Variants in SPOUT1 observed in about 807,000 individuals in gnomAD.
The protein encoded by SPOUT1 is 28S rRNA (uridine-N(3))-methyltransferase.
Under a neutral mutation model 54.8 loss-of-function variants are expected in SPOUT1, and 40 were observed. The observed-to-expected ratio is 0.73, with a 90% CI of 0.57 to 0.95. The LOEUF (loss-of-function observed/expected upper bound fraction) is 0.95. SPOUT1 is among the 40% of genes least tolerant of loss of function. The pLI is 0.00. For synonymous variants in SPOUT1, 193 were observed against 200.3 expected, an observed-to-expected ratio of 0.96 and a Z score of 0.31; for missense variants, 437 against 499.5, an observed-to-expected ratio of 0.87 and a Z score of 1.19.
Position 128,821,232 on chromosome 9 carries a change from T to C in SPOUT1, c.*1533A>G. The stretch of plus-strand genomic sequence containing the variant: ...TGCAGTGCACCAAGCTCTCCCGCCT[T>C]CCCCCTGCAGGTCTGCGGTGCACCA... On this transcript the variant is annotated 3_prime_UTR_variant, in exon 12 of 12. Transcript: ENST00000361256. The C allele has an allele frequency of 2.0e-5, 5 of 244,268 alleles. No individual in the cohort carries two copies. The highest frequency in any genetic ancestry group is 4.9e-5 in the South Asian group (1 of 20,434). 15.1% of individuals were successfully genotyped at this position (244,268 alleles called of 1,614,324 possible). A position where few individuals can be genotyped will look rare whatever the true frequency, so the allele number is the denominator to read the frequency against.
In SPOUT1 at chr9:128,821,960, T is replaced by C. The variant is rs1830127932; in HGVS notation, c.*805A>G. 7.8e-6 allele frequency: 2 copies of C among 257,808 alleles called. No homozygotes were observed. Among genetic ancestry groups the C allele is most frequent in the Admixed American group, 5.0e-5 (1 of 20,032 alleles). 16.0% of individuals were successfully genotyped at this position (257,808 alleles called of 1,614,324 possible). Reference sequence around the variant, plus strand: ...GGTGTCCTGGCACCTGTGCTGGTGCTGGGATATCACCTGTCATGGTCCTTG... The same window carrying C: ...GGTGTCCTGGCACCTGTGCTGGTGCCGGGATATCACCTGTCATGGTCCTTG... On this transcript the variant is annotated 3_prime_UTR_variant, in exon 12 of 12. Transcript: ENST00000361256.
Position 128,822,068 on chromosome 9 carries a change from G to A in SPOUT1, c.*697C>T, listed in dbSNP as rs981737704. The A allele has an allele frequency of 3.2e-5, 17 of 536,326 alleles. No homozygotes were observed. Among genetic ancestry groups the A allele is most frequent in the African/African-American group, 9.5e-5 (5 of 52,798 alleles). The allele number at this position is 536,326 out of a possible 1,614,324, so 33.2% of individuals were successfully genotyped here. On this transcript the variant is annotated 3_prime_UTR_variant, in exon 12 of 12. Transcript: ENST00000361256. ...ACGAATGTGAATATTCAGAAGGCTC[G>A]ATTCTCCTAGCAGCGTTTATTGTCG...
intron 11 of SPOUT1, among the ~76,000 whole-genome samples, chr9:128,823,143 G>A (rs1830162140): frequency 6.6e-6 from 1 of 152,176 alleles, no homozygotes; most frequent in African/African-American, 2.4e-5. Context: ...GGGTTGGAAG[G>A]GTGGCAGCCA....
intron 3 of SPOUT1, 43 bp from the exon 4 acceptor site, chr9:128,827,234 G>C (rs1252074713): frequency 6.4e-7 from 1 of 1,561,314 alleles, no homozygotes; most frequent in Non-Finnish European, 8.7e-7. Context: ...GAGAGGCAAG[G>C]GCCCCCTACC....
rs1215416030 is a variant in SPOUT1 at position 128,829,690 on chromosome 9, G to C, written c.36+55C>G. On this transcript the variant is annotated intron_variant, in intron 1 of 11. Transcript: ENST00000361256. Reference sequence around the variant, plus strand: ...CCCCGGCGAAGGCCCCCACGCCACTGGTTCTCACGCCTCCACCATGCTGCC... The same window carrying C: ...CCCCGGCGAAGGCCCCCACGCCACTCGTTCTCACGCCTCCACCATGCTGCC... 3 of 1,391,630 alleles carry C rather than the reference G, an allele frequency of 2.2e-6. No homozygotes were observed. The East Asian group carries it at 7.3e-5, about 34-fold the overall frequency. 86.2% of individuals were successfully genotyped at this position (1,391,630 alleles called of 1,614,324 possible).
Position 128,824,976 on chromosome 9 carries a change from C to G in SPOUT1, c.712+1G>C, listed in dbSNP as rs1009654340. The G allele has an allele frequency of 6.3e-7, 1 of 1,599,230 alleles. No individual in the cohort carries two copies. The highest frequency in any genetic ancestry group is 1.3e-5 in the African/African-American group (1 of 74,722). ...CAGGGGTTGGGGAACCTTCCAGATA[C>G]CTGGGTGCTGCTGCTGGTTCAGTCG... On this transcript the variant is annotated splice_donor_variant, in intron 8 of 11. Transcript: ENST00000361256. LOFTEE classifies it high-confidence loss of function.
In SPOUT1 at chr9:128,826,278, T is replaced by A; in HGVS notation, c.508+106A>T. 1 of 1,558,984 alleles carries A rather than the reference T, an allele frequency of 6.4e-7. No individual in the cohort carries two copies. Among genetic ancestry groups the A allele is most frequent in the Admixed American group, 1.7e-5 (1 of 59,592 alleles). On this transcript the variant is annotated intron_variant, in intron 6 of 11. Transcript: ENST00000361256. This position sits in a 1 kb window ranked among gnomAD's most constrained non-coding sequence, Gnocchi z 5.5. The stretch of plus-strand genomic sequence containing the variant: ...TTGGCATCAGACACAGGTCTTGCTC[T>A]CCCAGGCCTGCTTTCCCACCTGGAC...
intron 7 of SPOUT1, among the ~76,000 whole-genome samples, chr9:128,825,427 G>A (rs938035825): frequency 6.6e-6 from 1 of 152,138 alleles, no homozygotes; most frequent in Non-Finnish European, 1.5e-5. Flanking sequence ...TGTCTCCTGG[G>A]TTCAAGTGAA....
At chr9:128,822,975 C>T in intron 11 of SPOUT1, 142 bp from the exon 12 acceptor site, 1 of 634,756 alleles carries the variant, frequency 1.6e-6, no homozygotes. Flanking sequence ...AGGTTAATGA[C>T]AGGCCCAGGT....
chr9:128,821,851 G>GATCAA lies in SPOUT1; in HGVS notation c.*913_*914insTTGAT, dbSNP rs1830125756. 1 of 183,982 alleles carries GATCAA rather than the reference G, an allele frequency of 5.4e-6. No homozygotes were observed. The highest frequency in any genetic ancestry group is 5.4e-5 in the Admixed American group (1 of 18,688). The allele number at this position is 183,982 out of a possible 1,614,324, so 11.4% of individuals were successfully genotyped here. On this transcript the variant is annotated 3_prime_UTR_variant, in exon 12 of 12. Transcript: ENST00000361256. ...GCATAGGCTGGCCAAGGCGGTGGTT[G>GATCAA]GGGCACTGATCAAATTTCATTAGCA... is the stretch of plus-strand genomic sequence containing the variant.
chr9:128,821,104 C>A lies in SPOUT1; in HGVS notation c.*1661G>T. On this transcript the variant is annotated 3_prime_UTR_variant, in exon 12 of 12. Coordinates refer to ENST00000361256, the MANE Select transcript of SPOUT1 (RefSeq NM_016390.4). ...GCCCTGAATCTGCCCCCGCTTCTCC[C>A]TGCTGTCACCTCTTGGCATGCCCAC... is the stretch of plus-strand genomic sequence containing the variant. The A allele has an allele frequency of 1.9e-6, 1 of 535,846 alleles. No individual in the cohort carries two copies. The allele number at this position is 535,846 out of a possible 1,614,324, so 33.2% of individuals were successfully genotyped here. A position where few individuals can be genotyped will look rare whatever the true frequency, so the allele number is the denominator to read the frequency against.
intron 7 of SPOUT1, 135 bp from the exon 8 acceptor site, chr9:128,825,184 C>T (rs534611088): frequency 2.6e-5 from 17 of 651,518 alleles, no homozygotes; most frequent in South Asian, 1.6e-4. Flanking sequence ...CACCCTCCAC[C>T]CCTGGCACCG....
Position 128,826,608 on chromosome 9 carries a change from T to C in SPOUT1, c.390A>G (p.Thr130=). The change falls in exon 5 of 12, where the codon ACA becomes ACG. Residue 130 remains threonine (T), a synonymous_variant. Coordinates refer to ENST00000361256, the MANE Select transcript of SPOUT1 (RefSeq NM_016390.4). This position sits in a 1 kb window ranked among gnomAD's most constrained non-coding sequence, Gnocchi z 5.5. ...ACGCCTGCCCCTTCTTCCCAACTCC[T>C]GTGAATTCCCCCTCCACAGTCCTGG... is the stretch of plus-strand genomic sequence containing the variant. ...QDAKTVEGEF[T]GVGKKGQACV... is the part of the protein sequence containing the mutation. 1 of 1,594,454 alleles carries C rather than the reference T, an allele frequency of 6.3e-7. No individual in the cohort carries two copies. The highest frequency in any genetic ancestry group is 8.5e-7 in the Non-Finnish European group (1 of 1,169,662).
rs1047349777 is a variant in SPOUT1 at position 128,820,992 on chromosome 9, T to C, written c.*1773A>G. On this transcript the variant is annotated 3_prime_UTR_variant, in exon 12 of 12. Coordinates refer to ENST00000361256, the MANE Select transcript of SPOUT1 (RefSeq NM_016390.4). ...TTCTTGGCAAGCCTGTCAGCTTCCC[T>C]GCCTCGAGTCCCCTCATTCCACCTC... 5 of 707,460 alleles carry C rather than the reference T, an allele frequency of 7.1e-6. No individual in the cohort carries two copies. The Admixed American group carries it at 7.3e-5, about 10-fold the overall frequency. The allele number at this position is 707,460 out of a possible 1,614,324, so 43.8% of individuals were successfully genotyped here.
Position 128,822,315 on chromosome 9 carries a change from G to A in SPOUT1, c.*450C>T. ...CAGGCCCCCTGCCCACGTGTGCCTGGGTCTGCCCACAGGACAGAGGCTGAT... is the reference window on the plus strand; with the variant it reads ...CAGGCCCCCTGCCCACGTGTGCCTGAGTCTGCCCACAGGACAGAGGCTGAT... On this transcript the variant is annotated 3_prime_UTR_variant, in exon 12 of 12. Transcript: ENST00000361256. 1 of 1,610,250 alleles carries A rather than the reference G, an allele frequency of 6.2e-7. No homozygotes were observed. Among genetic ancestry groups the A allele is most frequent in the South Asian group, 1.1e-5 (1 of 90,956 alleles).
chr9:128,823,512 C>A (rs1018485257), intron 11 of SPOUT1, among the ~76,000 whole-genome samples: 1 of 152,124 alleles, frequency 6.6e-6, no homozygotes, highest in Non-Finnish European at 1.5e-5. Flanking sequence ...CAGGGGTGGG[C>A]AGGGCCCCCT....
chr9:128,822,543 T>C lies in SPOUT1; in HGVS notation c.*222A>G. ...GAGAGCATTGAGCGGGCTTCGGGGC[T>C]GCTCTTTGTGCCAAACATCCTGGCG... On this transcript the variant is annotated 3_prime_UTR_variant, in exon 12 of 12. Coordinates refer to ENST00000361256, the MANE Select transcript of SPOUT1 (RefSeq NM_016390.4). 1 of 1,560,422 alleles carries C rather than the reference T, an allele frequency of 6.4e-7. No homozygotes were observed. Among genetic ancestry groups the C allele is most frequent in the Non-Finnish European group, 8.7e-7 (1 of 1,151,806 alleles).
chr9:128,823,662 G>A, intron 11 of SPOUT1, 85 bp downstream of exon 11: 1 of 1,264,528 alleles, frequency 7.9e-7, no homozygotes. Flanking sequence ...GGGCAAGGGT[G>A]GGTGACAGGG....
At chr9:128,828,889 A>G in intron 2 of SPOUT1, 29 bp from the exon 3 acceptor site, 1 of 1,613,792 alleles carries the variant, frequency 6.2e-7, no homozygotes, top group Non-Finnish European at 8.5e-7. Flanking sequence ...TAATTGGCCA[A>G]GGAGACAGTT....
Sources: allele counts gnomAD v4.1 joint callset (sites outside exome capture counted in the v4.1 genomes callset), GRCh38; gene constraint gnomAD v4.1.1; non-coding constraint Gnocchi (gnomAD v3.1); transcripts MANE v1.5; gene names NCBI Gene and HGNC (gene_info 2026-07-23, HGNC 2026-07-21).